DNAH12: variants seen among roughly 807,000 people sequenced by gnomAD.
DNAH12 encodes the protein axonemal beta dynein heavy chain 12.
Under a neutral mutation model 371.5 loss-of-function variants are expected in DNAH12, and 285 were observed. That is an observed-to-expected ratio of 0.77 (90% CI 0.70 to 0.85). DNAH12 has a LOEUF of 0.85. Ranked by LOEUF, DNAH12 falls within the 40% of genes least tolerant of loss-of-function variation. DNAH12 has a pLI of 0.00. For missense variants in DNAH12, 3,611 were observed against 3,689.4 expected, an observed-to-expected ratio of 0.98 and a Z score of 0.55; for synonymous variants, 1,200 against 1,213.0, an observed-to-expected ratio of 0.99 and a Z score of 0.22.
At chr3:57,420,999 C>T (rs12715504) in intron 36 of DNAH12, among the ~76,000 whole-genome samples, 35,457 of 151,402 alleles carry the variant, frequency 0.23, 4,800 homozygotes, top group South Asian at 0.44. Flanking sequence ...TTATTGACTT[C>T]CCGCTATGGC....
intron 35 of DNAH12, among the ~76,000 whole-genome samples, chr3:57,424,548 C>A (rs1249545340): frequency 6.7e-6 from 1 of 148,798 alleles, no homozygotes; most frequent in Non-Finnish European, 1.5e-5. Context: ...GAGGCCGATG[C>A]GGGTGGATCA....
intron 8 of DNAH12, among the ~76,000 whole-genome samples, chr3:57,507,380 A>G (rs1184565492): frequency 6.6e-6 from 1 of 152,188 alleles, no homozygotes; most frequent in Non-Finnish European, 1.5e-5. Flanking sequence ...ACATACTCCA[A>G]ATAAAGCTAT....
At chr3:57,435,463 C>T (rs1265313095) in intron 30 of DNAH12, among the ~76,000 whole-genome samples, 2 of 151,606 alleles carry the variant, frequency 1.3e-5, no homozygotes, top group Non-Finnish European at 2.9e-5. Context: ...ATTGTGGCTC[C>T]CTCCACAAAG....
chr3:57,306,981 C>T (rs1327952142), intron 69 of DNAH12, among the ~76,000 whole-genome samples: 2 of 152,164 alleles, frequency 1.3e-5, no homozygotes, highest in Non-Finnish European at 2.9e-5. Context: ...AGCCTCTCTT[C>T]GCTTTCACTT....
At position 57,345,869 on chromosome 3, in the gene DNAH12, T is replaced by C. The variant is rs1305845372; in HGVS notation, c.9674+6216A>G. Among the ~76,000 whole-genome samples the C allele has an allele frequency of 5.3e-5, 8 of 152,294 alleles. No individual in the cohort carries two copies. In the East Asian group the frequency reaches 1.5e-3, roughly 29 times the overall value. ...TATGACATACCTAACCTTTTCTTAA[T>C]TTTTTGAATATTTCTGGCTAGGCAG... On this transcript the variant is annotated intron_variant, in intron 60 of 73. Coordinates refer to ENST00000495027, the MANE Select transcript of DNAH12 (RefSeq NM_001366028.2).
At chr3:57,470,382 T>C in intron 16 of DNAH12, 61 bp downstream of exon 16, 1 of 1,437,798 alleles carries the variant, frequency 7.0e-7, no homozygotes, top group Non-Finnish European at 9.2e-7. Context: ...AAAAATCAAT[T>C]TATATTTTAC....
intron 2 of DNAH12, among the ~76,000 whole-genome samples, chr3:57,532,924 G>A (rs1266157538): frequency 6.6e-6 from 1 of 152,232 alleles, no homozygotes; most frequent in Non-Finnish European, 1.5e-5. Flanking sequence ...CTTTCAGGAG[G>A]TGAGTTCCCC....
intron 29 of DNAH12, among the ~76,000 whole-genome samples, chr3:57,439,064 A>G (rs1211089642): frequency 1.3e-5 from 2 of 152,184 alleles, no homozygotes; most frequent in Non-Finnish European, 2.9e-5. Context: ...CATAGATGAC[A>G]CAAATGGAAA....
chr3:57,527,613 G>A (rs2068694979), intron 2 of DNAH12, among the ~76,000 whole-genome samples: 1 of 152,128 alleles, frequency 6.6e-6, no homozygotes. Context: ...ACAGCATCAA[G>A]GGGATGGTGC....
rs1475505175 is a variant in DNAH12 at position 57,510,871 on chromosome 3, C to T, written c.388G>A (p.Gly130Arg). 1 of 1,614,054 alleles carries T rather than the reference C, an allele frequency of 6.2e-7. No homozygotes were observed. The highest frequency in any genetic ancestry group is 1.3e-5 in the African/African-American group (1 of 75,026). Residue 130 changes from glycine (G) to arginine (R), a missense_variant, in exon 5 of 74, where the codon GGG (glycine) becomes AGG (arginine). Around this residue, in one of 3 missense-constraint regions of DNAH12, gnomAD observed 1,314 missense variants for 1,398.7 expected, o/e 0.94. Transcript: ENST00000495027. ...LRLIPESLKE[G>R]KEREELLESL... ...TCAAGAAGTTCTTCTCTTTCTTTCC[C>T]TTCCTTTAAAGACTCAGGTATCAGC...
In DNAH12 at chr3:57,436,980, T is replaced by G; in HGVS notation, c.4626A>C (p.Gln1542His). The G allele has an allele frequency of 6.6e-7, 1 of 1,513,830 alleles. No homozygotes were observed. The highest frequency in any genetic ancestry group is 8.8e-7 in the Non-Finnish European group (1 of 1,134,648). 93.8% of individuals were successfully genotyped at this position (1,513,830 alleles called of 1,614,324 possible). A position where few individuals can be genotyped will look rare whatever the true frequency, so the allele number is the denominator to read the frequency against. Reference protein sequence around the residue: ...PVKFFLEKIIQTYEMMIVRHG... With the variant: ...PVKFFLEKIIHTYEMMIVRHG... ...GTCTAACAATCATCATTTCATATGT[T>G]TGAATTATTTTTTCAAGAAAAAATT... Residue 1542 changes from glutamine (Q) to histidine (H), a missense_variant, in exon 30 of 74, where the codon CAA becomes CAC. By Grantham distance (24) the Gln-to-His change is conservative. Transcript: ENST00000495027.
intron 11 of DNAH12, among the ~76,000 whole-genome samples, chr3:57,495,285 A>G (rs2067267683): frequency 6.6e-6 from 1 of 152,124 alleles, no homozygotes; most frequent in Admixed American, 6.6e-5. Flanking sequence ...GGGGCCAGGC[A>G]CGGTGGCTCA....
At chr3:57,380,632 T>C (rs1332401217) in intron 50 of DNAH12, among the ~76,000 whole-genome samples, 2 of 152,102 alleles carry the variant, frequency 1.3e-5, no homozygotes, top group Non-Finnish European at 2.9e-5. Context: ...ACCTGGTTAA[T>C]TATTGTATTT....
chr3:57,452,763 A>G, intron 25 of DNAH12, 80 bp downstream of exon 25: 1 of 1,284,512 alleles, frequency 7.8e-7, no homozygotes, highest in Non-Finnish European at 1.1e-6. Context: ...CAACTACTCC[A>G]GGTAAGACAA....
chr3:57,353,296 T>A (rs1484855742), intron 59 of DNAH12, among the ~76,000 whole-genome samples: 1 of 151,310 alleles, frequency 6.6e-6, no homozygotes, highest in African/African-American at 2.5e-5. Flanking sequence ...TTTGGCACTT[T>A]ATTTTTTTTT....
In DNAH12 at chr3:57,445,357, G is replaced by A. The variant is rs767090093; in HGVS notation, c.4242C>T (p.Leu1414=). 4 of 1,551,506 alleles carry A rather than the reference G, an allele frequency of 2.6e-6. No individual in the cohort carries two copies. The highest frequency in any genetic ancestry group is 3.5e-6 in the Non-Finnish European group (4 of 1,146,974). The change falls in exon 28 of 74, where the codon CTC becomes CTT. Residue 1414 remains leucine, a synonymous_variant. Transcript: ENST00000495027. ...PNYALIAEIS[L]YSYGFLNARP... ...TTGCATTCAAAAATCCGTAAGAGTAGAGGGAGATTTCTGCTATAAGCGCAT... is the reference window on the plus strand; with the variant it reads ...TTGCATTCAAAAATCCGTAAGAGTAAAGGGAGATTTCTGCTATAAGCGCAT...
the DNAH12 span, among the ~76,000 whole-genome samples, chr3:57,555,198 C>T: frequency 4.5e-3 from 692 of 152,168 alleles, 2 homozygotes; most frequent in Middle Eastern, 0.031. Flanking sequence ...AAGCCAAGAT[C>T]GCACAGCTGC....
intron 12 of DNAH12, among the ~76,000 whole-genome samples, chr3:57,489,263 G>A (rs1463455433): frequency 6.6e-6 from 1 of 152,054 alleles, no homozygotes; most frequent in Non-Finnish European, 1.5e-5. Flanking sequence ...ACCTGTACCT[G>A]AATCTGGTTT....
chr3:57,508,676 G>A, intron 6 of DNAH12, 136 bp from the exon 7 acceptor site: 1 of 934,846 alleles, frequency 1.1e-6, no homozygotes, highest in Non-Finnish European at 1.6e-6. Flanking sequence ...GGTCAGCAAT[G>A]GGAACCTTAA....
Sources: allele counts gnomAD v4.1 joint callset (sites outside exome capture counted in the v4.1 genomes callset), GRCh38; gene constraint gnomAD v4.1.1; regional missense constraint gnomAD v4.1.1; transcripts MANE v1.5; gene names NCBI Gene and HGNC (gene_info 2026-07-23, HGNC 2026-07-21).